Variants in GPR107 observed in about 807,000 individuals in gnomAD.
GPR107 encodes the protein protein GPR107.
A neutral mutation model predicts 75.5 loss-of-function variants in GPR107; 31 were observed. The observed-to-expected ratio is 0.41, with a 90% confidence interval of 0.31 to 0.55. GPR107 has a LOEUF of 0.55. GPR107 is among the 20% of genes least tolerant of loss of function. The pLI is 0.26. For synonymous variants in GPR107, 267 were observed against 251.3 expected (o/e 1.06, Z -0.59); for missense variants, 572 against 665.7 (o/e 0.86, Z 1.55).
At chr9:130,055,390 A>T (rs1303797122) in intron 1 of GPR107, among the ~76,000 whole-genome samples, 3 of 151,838 alleles carry the variant, frequency 2.0e-5, no homozygotes, top group South Asian at 4.2e-4. Context: ...AATGGCGTGA[A>T]CCTGGGAGGC....
intron 1 of GPR107, among the ~76,000 whole-genome samples, chr9:130,070,898 T>C (rs1830187850): frequency 6.6e-6 from 1 of 151,856 alleles, no homozygotes; most frequent in African/African-American, 2.4e-5. Context: ...TAAAATGTTT[T>C]GTAGAGGTGG....
In GPR107 at chr9:130,092,832, G is replaced by A. The variant is rs146248436; in HGVS notation, c.863+451G>A. ...GATGGGGTTTCACCGTGTTAGCCAG[G>A]ATGGTCTTGATCTCCTGACCTCATG... On this transcript the variant is annotated intron_variant, in intron 9 of 17. Coordinates refer to ENST00000347136, the MANE Select transcript of GPR107 (RefSeq NM_020960.5). Among the ~76,000 whole-genome samples the A allele has an allele frequency of 8.2e-3, 1,243 of 152,202 alleles. 25 individuals carry two copies. The highest frequency in any genetic ancestry group is 0.029 in the African/African-American group (1,187 of 41,522).
intron 14 of GPR107, among the ~76,000 whole-genome samples, chr9:130,110,092 G>A (rs571401605): frequency 2.0e-5 from 3 of 152,146 alleles, no homozygotes; most frequent in African/African-American, 4.8e-5. Context: ...CCCCTGCTTC[G>A]TCCTCCTGAC....
chr9:130,128,554 A>T (rs1202851748), intron 16 of GPR107, 86 bp from the exon 17 acceptor site: 1 of 1,109,390 alleles, frequency 9.0e-7, no homozygotes, highest in Non-Finnish European at 1.4e-6. Context: ...GGTTGTGGGG[A>T]AATATGTCAG....
chr9:130,079,623 A>C lies in GPR107; in HGVS notation c.387-7A>C. The C allele has an allele frequency of 6.2e-7, 1 of 1,612,160 alleles. No homozygotes were observed. ...ACCTTTTTTCCTTCTGTCTTATTTG[A>C]ATGTAGGGTAAGAGTAAAGTCTCCA... is the stretch of plus-strand genomic sequence containing the variant. On this transcript the variant is annotated splice_polypyrimidine_tract_variant and splice_region_variant and intron_variant, in intron 4 of 17. Transcript: ENST00000347136.
intron 14 of GPR107, among the ~76,000 whole-genome samples, chr9:130,123,274 G>A (rs1484077276): frequency 1.3e-5 from 2 of 151,872 alleles, no homozygotes; most frequent in South Asian, 2.1e-4. Flanking sequence ...GCGTGATCTC[G>A]GCTCACTGCA....
chr9:130,127,550 G>A lies in GPR107; in HGVS notation c.1424G>A (p.Trp475Ter). 1 of 1,590,606 alleles carries A rather than the reference G, an allele frequency of 6.3e-7. No individual in the cohort carries two copies. Among genetic ancestry groups the A allele is most frequent in the Non-Finnish European group, 8.6e-7 (1 of 1,158,486 alleles). Residue 475 changes from tryptophan (W) to a stop codon, truncating the protein, a stop_gained, in exon 16 of 18, where the codon TGG (tryptophan) becomes TAG (stop). Coordinates refer to ENST00000347136, the MANE Select transcript of GPR107 (RefSeq NM_020960.5). LOFTEE classifies it high-confidence loss of function. ...FLLKLAVPFQ[W>*]KWLYQLLDET... ...CTCAAACTCGCTGTTCCATTCCAGT[G>A]GAAGTGGCTCTACCAGGTACGCTGC...
Position 130,101,148 on chromosome 9 carries a change from C to T in GPR107, c.1056C>T (p.Gly352=), listed in dbSNP as rs1371473176. 6.2e-7 allele frequency: 1 copy of T among 1,610,470 alleles called. No homozygotes were observed. The highest frequency in any genetic ancestry group is 1.3e-5 in the African/African-American group (1 of 74,852). The change falls in exon 12 of 18, where the codon GGC becomes GGT. Residue 352 remains glycine, a synonymous_variant. Coordinates refer to ENST00000347136, the MANE Select transcript of GPR107 (RefSeq NM_020960.5). Reference sequence around the variant, plus strand: ...TCTTCATCACCATTGCACTCATTGGCACTGGCTGGGCTTTCATTAAGCACA... The same window carrying T: ...TCTTCATCACCATTGCACTCATTGGTACTGGCTGGGCTTTCATTAAGCACA... ...ALLFITIALI[G]TGWAFIKHIL... is the part of the protein sequence containing the mutation.
chr9:130,089,830 C>T (rs939859840), intron 7 of GPR107, among the ~76,000 whole-genome samples: 4 of 152,074 alleles, frequency 2.6e-5, no homozygotes, highest in African/African-American at 9.7e-5. Flanking sequence ...CTCATGTGTT[C>T]TTGGTCTTTT....
At chr9:130,064,924 T>A (rs981427686) in intron 1 of GPR107, among the ~76,000 whole-genome samples, 2 of 152,104 alleles carry the variant, frequency 1.3e-5, no homozygotes, top group Admixed American at 1.3e-4. Flanking sequence ...CCAGAGCCTT[T>A]AGAGGGACTG....
intron 1 of GPR107, among the ~76,000 whole-genome samples, chr9:130,062,107 A>G (rs1223771633): frequency 6.6e-6 from 1 of 151,888 alleles, no homozygotes; most frequent in Admixed American, 6.6e-5. Context: ...AGGATTAGAT[A>G]AAATTATGTA....
intron 17 of GPR107, among the ~76,000 whole-genome samples, chr9:130,134,286 G>C (rs542544589): frequency 2.4e-4 from 36 of 152,310 alleles, no homozygotes; most frequent in Non-Finnish European, 4.4e-4. Context: ...CCGTGCATGT[G>C]ATTCCTTCTA....
At chr9:130,063,012 A>G (rs533666012) in intron 1 of GPR107, among the ~76,000 whole-genome samples, 1 of 152,336 alleles carries the variant, frequency 6.6e-6, no homozygotes, top group Admixed American at 6.5e-5. Flanking sequence ...AGGATAAGAC[A>G]GGGAAGATTT....
chr9:130,111,629 G>T (rs1303657981), intron 14 of GPR107, among the ~76,000 whole-genome samples: 4 of 152,226 alleles, frequency 2.6e-5, no homozygotes, highest in Non-Finnish European at 5.9e-5. Flanking sequence ...CATGCCATTT[G>T]TAGTTTTCCT....
intron 14 of GPR107, chr9:130,108,675 C>G (rs191563030): frequency 8.1e-5 from 37 of 454,330 alleles, no homozygotes; most frequent in African/African-American, 5.6e-4. Context: ...CCTCCCAAGG[C>G]CCACTCAGCT....
rs1463405647 is a variant in GPR107 at position 130,077,329 on chromosome 9, A to G, written c.337A>G (p.Lys113Glu). ...DEDVNYCILK[K>E]QSVSVTLLIL... ...AGATGTGAATTACTGTATTTTAAAGAAACAGTCTGTCTCTGTCACCCTTTT... is the reference window on the plus strand; with the variant it reads ...AGATGTGAATTACTGTATTTTAAAGGAACAGTCTGTCTCTGTCACCCTTTT... The change falls in exon 4 of 18, where the codon AAA (lysine) becomes GAA (glutamate). Residue 113 changes from lysine (K) to glutamate (E), a missense_variant. Lys to Glu is a moderately conservative substitution (Grantham distance 56). Transcript: ENST00000347136. 5.7e-6 allele frequency: 9 copies of G among 1,571,074 alleles called. No individual in the cohort carries two copies. The highest frequency in any genetic ancestry group is 2.7e-5 in the African/African-American group (2 of 74,068).
chr9:130,124,884 A>G, intron 14 of GPR107, 31 bp from the exon 15 acceptor site: 2 of 1,430,876 alleles, frequency 1.4e-6, no homozygotes, highest in South Asian at 1.3e-5. Context: ...GAAGTTAACG[A>G]GCTCTTCATT....
chr9:130,099,404 G>T, intron 9 of GPR107, 53 bp from the exon 10 acceptor site: 1 of 995,796 alleles, frequency 1.0e-6, no homozygotes. Flanking sequence ...AGCTTTGGCT[G>T]TCCTTTGGGA....
At chr9:130,066,166 G>C (rs1376782286) in intron 1 of GPR107, among the ~76,000 whole-genome samples, 1 of 151,824 alleles carries the variant, frequency 6.6e-6, no homozygotes, top group Admixed American at 6.6e-5. Flanking sequence ...GGGTGTGGTG[G>C]TGTGCACCTG....
Sources: gnomAD v4.1 joint callset for allele counts (sites outside exome capture counted in the v4.1 genomes callset) on GRCh38, gnomAD v4.1.1 for gene constraint, MANE v1.5 for transcripts, NCBI Gene and HGNC (gene_info 2026-07-23, HGNC 2026-07-21) for gene names.